LZTS3: variants seen among roughly 807,000 people sequenced by gnomAD.
LZTS3 encodes the protein leucine zipper tumor suppressor family member 3.
Under a neutral mutation model 50.9 loss-of-function variants are expected in LZTS3, and 16 were observed. The observed-to-expected ratio is 0.31, with a 90% CI of 0.21 to 0.48. The LOEUF is 0.48. Among genes scored for constraint, LZTS3 ranks in the 20% least tolerant of loss-of-function variants. LZTS3 has a pLI of 0.99. For missense variants in LZTS3, 816 were observed against 931.0 expected, an observed-to-expected ratio of 0.88 and a Z score of 1.61; for synonymous variants, 408 against 410.6, an observed-to-expected ratio of 0.99 and a Z score of 0.08.
chr20:3,171,314 T>C (rs1021787275), intron 1 of LZTS3, among the ~76,000 whole-genome samples: 2 of 152,086 alleles, frequency 1.3e-5, no homozygotes, highest in Admixed American at 6.6e-5. Flanking sequence ...CCCAGGACCA[T>C]TGTCCTGAGC....
At chr20:3,171,672 A>AG (rs1489868228) in intron 1 of LZTS3, among the ~76,000 whole-genome samples, 4 of 152,012 alleles carry the variant, frequency 2.6e-5, no homozygotes, top group African/African-American at 9.7e-5. Context: ...CAAAAAAAAA[A>AG]AAAAAAAAAT....
At chr20:3,167,561 G>A in intron 2 of LZTS3, 177 bp downstream of exon 2, 1 of 1,015,618 alleles carries the variant, frequency 9.8e-7, no homozygotes, top group Non-Finnish European at 1.2e-6. Flanking sequence ...GAATTTTGGG[G>A]TTCTTTATCT....
intron 1 of LZTS3, among the ~76,000 whole-genome samples, chr20:3,172,394 A>G (rs1271107163): frequency 6.6e-6 from 1 of 152,306 alleles, no homozygotes; most frequent in East Asian, 1.9e-4. Flanking sequence ...CCAGAACCAG[A>G]GCAGAGCTTG....
chr20:3,170,882 T>C (rs970422949), intron 1 of LZTS3, among the ~76,000 whole-genome samples: 5 of 151,882 alleles, frequency 3.3e-5, no homozygotes, highest in Non-Finnish European at 7.4e-5. Context: ...CATGGCAGAG[T>C]TCCTGCTAAA....
rs112399729 is a variant in LZTS3 at position 3,169,220 on chromosome 20, C to T, written c.-242-1259G>A. On this transcript the variant is annotated intron_variant, in intron 1 of 4. Coordinates refer to ENST00000337576, the MANE Select transcript of LZTS3 (RefSeq NM_001365618.1). Reference sequence around the variant, plus strand: ...CTTTGTGCCTTGGGTCCCTCTCTGGCCTCACTCTAGTCCCTGCTCTGCCTC... The same window carrying T: ...CTTTGTGCCTTGGGTCCCTCTCTGGTCTCACTCTAGTCCCTGCTCTGCCTC... Among the ~76,000 whole-genome samples the T allele has an allele frequency of 6.3e-3, 962 of 152,298 alleles. 8 individuals carry two copies. The highest frequency in any genetic ancestry group is 0.01 in the Non-Finnish European group (693 of 68,020).
At chr20:3,170,491 A>AAAAACAAC (rs2066889510) in intron 1 of LZTS3, among the ~76,000 whole-genome samples, 1 of 140,250 alleles carries the variant, frequency 7.1e-6, no homozygotes, top group East Asian at 2.4e-4. Context: ...TACATCAAAA[A>AAAAACAAC]AAAAAAAAAA....
In LZTS3 at chr20:3,166,849, G is replaced by A. The variant is rs1205091189; in HGVS notation, c.315C>T (p.Gly105=). The part of the protein sequence containing the change: ...NSLYLNGELR[G]SDHTDVCGNV... ...TGCCACAGACATCGGTGTGGTCACTGCCCCGCAGCTCACCATTGAGGTAGA... is the reference window on the plus strand; with the variant it reads ...TGCCACAGACATCGGTGTGGTCACTACCCCGCAGCTCACCATTGAGGTAGA... Residue 105 remains glycine (G), a synonymous_variant, in exon 3 of 5, where the codon GGC becomes GGT. Transcript: ENST00000337576. 6.2e-7 allele frequency: 1 copy of A among 1,613,736 alleles called. No individual in the cohort carries two copies. Among genetic ancestry groups the A allele is most frequent in the East Asian group, 2.2e-5 (1 of 44,890 alleles).
At position 3,165,871 on chromosome 20, in the gene LZTS3, G is replaced by C; in HGVS notation, c.949C>G (p.Pro317Ala). Reference sequence around the variant, plus strand: ...TCCAGCTCCTGGATGAGTGCACTGGGGGAGGGCGGTGAGCAGGCCGCGAAA... The same window carrying C: ...TCCAGCTCCTGGATGAGTGCACTGGCGGAGGGCGGTGAGCAGGCCGCGAAA... ...LPFAACSPPS[P>A]SALIQELEER... The change falls in exon 4 of 5, where the codon CCC becomes GCC. Residue 317 changes from proline (P) to alanine (A), a missense_variant. By Grantham distance (27) the Pro-to-Ala change is conservative. Transcript: ENST00000337576. This position sits in a 1 kb window ranked among gnomAD's most constrained non-coding sequence, Gnocchi z 5.0. 1 of 1,606,522 alleles carries C rather than the reference G, an allele frequency of 6.2e-7. No individual in the cohort carries two copies. Among genetic ancestry groups the C allele is most frequent in the Non-Finnish European group, 8.5e-7 (1 of 1,179,528 alleles).
At chr20:3,167,242 A>C (rs1408804372) in intron 2 of LZTS3, 61 bp from the exon 3 acceptor site, 1 of 1,422,292 alleles carries the variant, frequency 7.0e-7, no homozygotes, top group Non-Finnish European at 9.2e-7. Flanking sequence ...CCACCACCCC[A>C]GCCAAGTCAA....
Position 3,166,244 on chromosome 20 carries a change from GCC to G in LZTS3, c.574_575del (p.Gly192ProfsTer57). 6.2e-7 allele frequency: 1 copy of G among 1,613,706 alleles called. No homozygotes were observed. Among genetic ancestry groups the G allele is most frequent in the South Asian group, 1.1e-5 (1 of 91,014 alleles). ...CCAGTCCGCCTTTGAGGCCACCAGG[GCC>G]CTGCCGTCCCTCAGGAGTCCCATTG... ...QTNGTPEGRQ[G>X]PGGLKGGLDK... On this transcript the variant is annotated frameshift_variant, in exon 4 of 5. Coordinates refer to ENST00000337576, the MANE Select transcript of LZTS3 (RefSeq NM_001365618.1). LOFTEE classifies it high-confidence loss of function.
chr20:3,168,894 A>G lies in LZTS3; in HGVS notation c.-242-933T>C, dbSNP rs183200992. ...AGTTCTAATGCTGAGTCCCTGGCCC[A>G]GACCAAGGGCACCTGACAAAACTGT... On this transcript the variant is annotated intron_variant, in intron 1 of 4. Transcript: ENST00000337576. Among the ~76,000 whole-genome samples, 1,229 of 152,304 alleles carry G rather than the reference A, an allele frequency of 8.1e-3. 5 individuals carry two copies. The highest frequency in any genetic ancestry group is 0.013 in the Non-Finnish European group (881 of 68,010).
In LZTS3 at chr20:3,164,277, G is replaced by T. The variant is rs886807600; in HGVS notation, c.*177C>A. On this transcript the variant is annotated 3_prime_UTR_variant, in exon 5 of 5. Coordinates refer to ENST00000337576, the MANE Select transcript of LZTS3 (RefSeq NM_001365618.1). ...GGGGGTCCAAGTGGGCTGCCACGGG[G>T]GCAGTGCTGGAGCTAGGAGGGCAGG... 1.4e-5 allele frequency: 8 copies of T among 591,390 alleles called. No homozygotes were observed. The East Asian group carries it at 2.4e-4, about 18-fold the overall frequency. 36.6% of individuals were successfully genotyped at this position (591,390 alleles called of 1,614,324 possible).
rs1232731572 is a variant in LZTS3, at chr20:3,167,882, T to C, written c.-163A>G. 1.0e-6 allele frequency: 1 copy of C among 985,100 alleles called. No individual in the cohort carries two copies. Among genetic ancestry groups the C allele is most frequent in the African/African-American group, 1.7e-5 (1 of 57,326 alleles). 61.0% of individuals were successfully genotyped at this position (985,100 alleles called of 1,614,324 possible). ...TCTGCAGGGGCCATGTGCCTCACTC[T>C]CGCAGTCGGGGCTCGGCCCGAACCA... On this transcript the variant is annotated 5_prime_UTR_variant, in exon 2 of 5. Transcript: ENST00000337576.
At position 3,164,031 on chromosome 20, in the gene LZTS3, C is replaced by G. The variant is rs560964768; in HGVS notation, c.*423G>C. The G allele has an allele frequency of 1.9e-4, 32 of 164,296 alleles. No homozygotes were observed. The highest frequency in any genetic ancestry group is 5.1e-4 in the Admixed American group (8 of 15,548). The allele number at this position is 164,296 out of a possible 1,614,324, so 10.2% of individuals were successfully genotyped here. A position where few individuals can be genotyped will look rare whatever the true frequency, so the allele number is the denominator to read the frequency against. ...TTTCAGCAAACCTGGTGCAGGCCCC[C>G]TCAGGCTCCATGGCCTAGGAGGTGA... On this transcript the variant is annotated 3_prime_UTR_variant, in exon 5 of 5. Coordinates refer to ENST00000337576, the MANE Select transcript of LZTS3 (RefSeq NM_001365618.1).
chr20:3,165,366 G>GATTT lies in LZTS3; in HGVS notation c.1323+127_1323+130dup. On this transcript the variant is annotated intron_variant, in intron 4 of 4. Coordinates refer to ENST00000337576, the MANE Select transcript of LZTS3 (RefSeq NM_001365618.1). The surrounding 1 kb of genome is among the most constrained non-coding windows in gnomAD (Gnocchi z 5.0). ...CGGGTCCTCACAGACACTCCCAATT[G>GATTT]ATTTTTGTCCCCCCTGCTCCTTTCA... is the stretch of plus-strand genomic sequence containing the variant. The GATTT allele has an allele frequency of 7.1e-7, 1 of 1,399,696 alleles. No individual in the cohort carries two copies. Among genetic ancestry groups the GATTT allele is most frequent in the Non-Finnish European group, 9.5e-7 (1 of 1,057,814 alleles). The allele number at this position is 1,399,696 out of a possible 1,614,324, so 86.7% of individuals were successfully genotyped here. A position where few individuals can be genotyped will look rare whatever the true frequency, so the allele number is the denominator to read the frequency against.
rs759340896 is a variant in LZTS3, at chr20:3,166,071, C to T, written c.749G>A (p.Arg250His). ...PLSASTSHIN[R>H]IGTASYGSGS... ...ACTACCATAGCTGGCAGTGCCAATG[C>T]GGTTAATGTGGCTGGTGGAGGCACT... Residue 250 changes from arginine (R) to histidine (H), a missense_variant, in exon 4 of 5, where the codon CGC becomes CAC. Physicochemically the swap from Arg to His is conservative, Grantham distance 29. This residue lies in a region of LZTS3 where 700 missense variants were observed against 769.4 expected (regional missense o/e 0.91). Transcript: ENST00000337576. 2.4e-5 allele frequency: 38 copies of T among 1,612,684 alleles called. No homozygotes were observed. Among genetic ancestry groups the T allele is most frequent in the South Asian group, 1.3e-4 (12 of 90,962 alleles).
rs758561592 is a variant in LZTS3 at position 3,167,012 on chromosome 20, G to C, written c.152C>G (p.Ala51Gly). The C allele has an allele frequency of 5.0e-6, 8 of 1,590,068 alleles. No individual in the cohort carries two copies. The highest frequency in any genetic ancestry group is 6.8e-6 in the Non-Finnish European group (8 of 1,174,004). Reference sequence around the variant, plus strand: ...TGTGCGGGTACCCACGCTCTTCATGGCAAACTCCTGGGCATGGGCCACCCC... The same window carrying C: ...TGTGCGGGTACCCACGCTCTTCATGCCAAACTCCTGGGCATGGGCCACCCC... ...GSGVAHAQEFAMKSVGTRTGG... is the reference protein window; with the variant it reads ...GSGVAHAQEFGMKSVGTRTGG... Residue 51 changes from alanine to glycine, a missense_variant, in exon 3 of 5, where the codon GCC becomes GGC. Coordinates refer to ENST00000337576, the MANE Select transcript of LZTS3 (RefSeq NM_001365618.1).
At position 3,164,833 on chromosome 20, in the gene LZTS3, C is replaced by G. The variant is rs1363736468; in HGVS notation, c.1643G>C (p.Gly548Ala). 1 of 1,550,234 alleles carries G rather than the reference C, an allele frequency of 6.5e-7. No individual in the cohort carries two copies. The highest frequency in any genetic ancestry group is 1.2e-5 in the South Asian group (1 of 84,810). Reference sequence around the variant, plus strand: ...AACCAAGGAGGCGGCAGCGGCCACCCCGGCCTGACGGCGCATCTTAGCCTC... The same window carrying G: ...AACCAAGGAGGCGGCAGCGGCCACCGCGGCCTGACGGCGCATCTTAGCCTC... Reference protein sequence around the residue: ...SDEAKMRRQAGVAAAASLVSV... With the variant: ...SDEAKMRRQAAVAAAASLVSV... Residue 548 changes from glycine (G) to alanine (A), a missense_variant, in exon 5 of 5, where the codon GGG becomes GCG. By Grantham distance (60) the Gly-to-Ala change is moderately conservative. This residue lies in a region of LZTS3 where 700 missense variants were observed against 769.4 expected (regional missense o/e 0.91). Coordinates refer to ENST00000337576, the MANE Select transcript of LZTS3 (RefSeq NM_001365618.1).
chr20:3,164,410 C>G lies in LZTS3; in HGVS notation c.*44G>C. The G allele has an allele frequency of 6.7e-7, 1 of 1,493,440 alleles. No individual in the cohort carries two copies. Among genetic ancestry groups the G allele is most frequent in the Non-Finnish European group, 8.9e-7 (1 of 1,120,102 alleles). 92.5% of individuals were successfully genotyped at this position (1,493,440 alleles called of 1,614,324 possible). A position where few individuals can be genotyped will look rare whatever the true frequency, so the allele number is the denominator to read the frequency against. On this transcript the variant is annotated 3_prime_UTR_variant, in exon 5 of 5. Transcript: ENST00000337576. Reference sequence around the variant, plus strand: ...GGGGAGGGGACACTGGGGACTCTGGCCTTTTGACAGGACATGTGTCAAAAT... The same window carrying G: ...GGGGAGGGGACACTGGGGACTCTGGGCTTTTGACAGGACATGTGTCAAAAT...
Sources: gnomAD v4.1 joint callset for allele counts (sites outside exome capture counted in the v4.1 genomes callset) on GRCh38, gnomAD v4.1.1 for gene constraint, gnomAD v4.1.1 regional missense constraint, Gnocchi (gnomAD v3.1) non-coding constraint, MANE v1.5 for transcripts, NCBI Gene and HGNC (gene_info 2026-07-23, HGNC 2026-07-21) for gene names.